The following ATP11A variants were observed in gnomAD, a reference collection of about 807,000 sequenced individuals.
ATP11A encodes phospholipid-transporting ATPase IH.
ATP11A carries 81 observed loss-of-function variants against 154.4 expected under a neutral mutation model. The observed-to-expected ratio is 0.52, with a 90% CI of 0.44 to 0.63. ATP11A has a LOEUF of 0.63. Ranked by LOEUF, ATP11A falls within the 30% of genes least tolerant of loss-of-function variation. The pLI is 0.00. For synonymous variants in ATP11A, 623 were observed against 585.9 expected (o/e 1.06, Z -0.91); for missense variants, 1,316 against 1,474.3 (o/e 0.89, Z 1.76).
In ATP11A at chr13:112,697,790, T is replaced by G. The variant is rs1886057647; in HGVS notation, c.39+7335T>G. Among the ~76,000 whole-genome samples, 1 of 149,284 alleles carries G rather than the reference T, an allele frequency of 6.7e-6. No individual in the cohort carries two copies. The highest frequency in any genetic ancestry group is 1.5e-5 in the Non-Finnish European group (1 of 67,668). ...GGTTTCACCATATTGGCCAGGCTGG[T>G]CTCGAACTCCTGACCTCAGATGATC... On this transcript the variant is annotated intron_variant, in intron 1 of 29. Transcript: ENST00000375645. The surrounding 1 kb of genome is among the most constrained non-coding windows in gnomAD (Gnocchi z 4.0).
At chr13:112,716,850 T>C (rs1888516791) in intron 1 of ATP11A, among the ~76,000 whole-genome samples, 1 of 152,086 alleles carries the variant, frequency 6.6e-6, no homozygotes, top group Non-Finnish European at 1.5e-5. Context: ...CCTCAATTTC[T>C]GCGTTCTAAA....
intron 16 of ATP11A, among the ~76,000 whole-genome samples, chr13:112,837,537 A>G (rs779091145): frequency 6.6e-5 from 10 of 152,318 alleles, no homozygotes; most frequent in Non-Finnish European, 1.2e-4. Context: ...TGCCGTTCAG[A>G]GCCCTCCACG....
chr13:112,881,754 G>A (rs2080890561), intron 29 of ATP11A, 122 bp from the exon 30 acceptor site: 2 of 1,337,994 alleles, frequency 1.5e-6, no homozygotes, highest in Admixed American at 1.9e-5. Flanking sequence ...AGTGGCTCAG[G>A]TCACCCCAGG....
chr13:112,781,365 G>A (rs1054998710), intron 1 of ATP11A, among the ~76,000 whole-genome samples: 3 of 152,096 alleles, frequency 2.0e-5, no homozygotes, highest in African/African-American at 4.8e-5. Flanking sequence ...CTATGTCCCC[G>A]TTTATGCACA....
chr13:112,806,749 C>T (rs764308087), intron 4 of ATP11A, among the ~76,000 whole-genome samples: 3 of 152,014 alleles, frequency 2.0e-5, no homozygotes, highest in Non-Finnish European at 4.4e-5. Flanking sequence ...TTACTCTCTA[C>T]GTATCCATTT....
intron 1 of ATP11A, among the ~76,000 whole-genome samples, chr13:112,780,985 C>G (rs2077484282): frequency 1.3e-5 from 2 of 152,070 alleles, no homozygotes; most frequent in Admixed American, 6.6e-5. Flanking sequence ...CTACCCGTGT[C>G]TTTGCTCTGA....
intron 17 of ATP11A, among the ~76,000 whole-genome samples, chr13:112,845,063 T>C (rs1437747692): frequency 6.8e-6 from 1 of 148,116 alleles, no homozygotes; most frequent in Non-Finnish European, 1.5e-5. Flanking sequence ...ACCAGTCCAG[T>C]TACTGGGCAC....
At chr13:112,851,368 T>C (rs1253060427) in intron 18 of ATP11A, 150 bp downstream of exon 18, 3 of 698,932 alleles carry the variant, frequency 4.3e-6, no homozygotes, top group East Asian at 2.7e-5. Flanking sequence ...GGTGTCTTGC[T>C]ACACCCTGGA....
chr13:112,739,244 A>G (rs552021983), intron 1 of ATP11A, among the ~76,000 whole-genome samples: 1 of 152,376 alleles, frequency 6.6e-6, no homozygotes, highest in Non-Finnish European at 1.5e-5. Flanking sequence ...ATTTGCATCC[A>G]GAAGACACAA....
At chr13:112,704,273 A>T (rs1566354069) in intron 1 of ATP11A, among the ~76,000 whole-genome samples, 2 of 152,206 alleles carry the variant, frequency 1.3e-5, no homozygotes, top group South Asian at 2.1e-4. Flanking sequence ...CAGTTGTTGT[A>T]CGCACAACTC....
chr13:112,825,390 TC>T (rs770994558), intron 10 of ATP11A, 39 bp from the exon 11 acceptor site: 1 of 1,561,562 alleles, frequency 6.4e-7, no homozygotes, highest in Non-Finnish European at 8.7e-7. Flanking sequence ...AGAGCTCATT[TC>T]CTCAGGGACC....
Position 112,831,561 on chromosome 13 carries a change from C to A in ATP11A, c.1395+13C>A, listed in dbSNP as rs1368831462. On this transcript the variant is annotated intron_variant, in intron 13 of 29. Transcript: ENST00000375645. ...CGTCAACGGGAGGGTAGGTGGCAGCCCCCACGCCGTCCAAGTGTGTGAGTG... is the reference window on the plus strand; with the variant it reads ...CGTCAACGGGAGGGTAGGTGGCAGCACCCACGCCGTCCAAGTGTGTGAGTG... 1.9e-6 allele frequency: 3 copies of A among 1,612,116 alleles called. No individual in the cohort carries two copies. Among genetic ancestry groups the A allele is most frequent in the African/African-American group, 1.3e-5 (1 of 74,908 alleles).
intron 1 of ATP11A, among the ~76,000 whole-genome samples, chr13:112,714,781 G>C (rs1483446283): frequency 6.6e-6 from 1 of 152,118 alleles, no homozygotes; most frequent in East Asian, 1.9e-4. Flanking sequence ...TAAGATCATG[G>C]GAAAACACAC....
In ATP11A at chr13:112,875,715, T is replaced by C; in HGVS notation, c.3162-61T>C. ...CTGAACAGACGGCCTCTCCAGTGAG[T>C]AGAGAGGCCAGCCCCAGGGAGTACA... On this transcript the variant is annotated intron_variant, in intron 27 of 29. Transcript: ENST00000375645. The surrounding 1 kb of genome is among the most constrained non-coding windows in gnomAD (Gnocchi z 4.1). 1 of 1,564,090 alleles carries C rather than the reference T, an allele frequency of 6.4e-7. No individual in the cohort carries two copies. The highest frequency in any genetic ancestry group is 1.2e-5 in the South Asian group (1 of 85,486).
Position 112,828,450 on chromosome 13 carries a change from T to C in ATP11A, c.1221+1559T>C, listed in dbSNP as rs531512543. Among the ~76,000 whole-genome samples, 92 of 148,718 alleles carry C rather than the reference T, an allele frequency of 6.2e-4. 1 individual carries two copies. The highest frequency in any genetic ancestry group is 9.3e-4 in the Admixed American group (14 of 14,996). ...GTGGGGGGAAAGTGCCCAGCAGTGT[T>C]GAGTAGGTGGGAAAGCGCCCAGAAG... On this transcript the variant is annotated intron_variant, in intron 12 of 29. Coordinates refer to ENST00000375645, the MANE Select transcript of ATP11A (RefSeq NM_015205.3).
chr13:112,770,066 C>T (rs2077190967), intron 1 of ATP11A, among the ~76,000 whole-genome samples: 1 of 152,216 alleles, frequency 6.6e-6, no homozygotes. Flanking sequence ...GGGCTCCAAG[C>T]GATGCTTTGG....
rs550987194 is a variant in ATP11A at position 112,775,341 on chromosome 13, C to T, written c.40-9794C>T. 2.6e-5 allele frequency among the ~76,000 whole-genome samples: 4 copies of T among 152,360 alleles called. No individual in the cohort carries two copies. In the East Asian group the frequency reaches 7.7e-4, roughly 29 times the overall value. On this transcript the variant is annotated intron_variant, in intron 1 of 29. Coordinates refer to ENST00000375645, the MANE Select transcript of ATP11A (RefSeq NM_015205.3). ...TGCCTTAGCCCCGTCCTCTTCCTTC[C>T]TACCACACAGCGGGAGGCATGGGAT...
At chr13:112,715,923 C>T (rs954393688) in intron 1 of ATP11A, among the ~76,000 whole-genome samples, 1 of 152,028 alleles carries the variant, frequency 6.6e-6, no homozygotes, top group Non-Finnish European at 1.5e-5. Context: ...CATTCCTTTC[C>T]CCTTCTCCCA....
At chr13:112,770,608 G>A (rs932788733) in intron 1 of ATP11A, among the ~76,000 whole-genome samples, 4 of 152,208 alleles carry the variant, frequency 2.6e-5, no homozygotes, top group Non-Finnish European at 5.9e-5. Flanking sequence ...GGAGAGAACC[G>A]TGCATCTCAG....
Sources: gnomAD v4.1 joint callset for allele counts (sites outside exome capture counted in the v4.1 genomes callset) on GRCh38, gnomAD v4.1.1 for gene constraint, Gnocchi (gnomAD v3.1) non-coding constraint, MANE v1.5 for transcripts, NCBI Gene and HGNC (gene_info 2026-07-23, HGNC 2026-07-21) for gene names.